The following LILRB3 variants were observed in gnomAD, a reference collection of about 807,000 sequenced individuals.
The protein encoded by LILRB3 is leukocyte immunoglobulin like receptor B3, also known as leukocyte immunoglobulin-like receptor subfamily B member 3.
A neutral mutation model predicts 68.2 loss-of-function variants in LILRB3; 32 were observed. The observed-to-expected ratio is 0.47, with a 90% CI of 0.35 to 0.63. The LOEUF (loss-of-function observed/expected upper bound fraction) is 0.63. LILRB3 is among the 30% of genes least tolerant of loss of function. LILRB3 has a pLI of 0.00. For missense variants in LILRB3, 502 were observed against 791.3 expected (o/e 0.63, Z 4.39); for synonymous variants, 185 against 323.1 (o/e 0.57, Z 4.58).
rs930785183 is a variant in LILRB3, at chr19:54,219,957, TG to T, written c.1309+197del. On this transcript the variant is annotated intron_variant, in intron 7 of 12. Transcript: ENST00000445347. ...AGGGAGGTGAAGGCTGGGGCTGTCT[TG>T]CCCCCCACATCAGCCCGGCTCCTCC... 4 of 1,328,796 alleles carry T rather than the reference TG, an allele frequency of 3.0e-6. 1 individual carries two copies. The African/African-American group carries it at 5.8e-5, about 19-fold the overall frequency. The allele number at this position is 1,328,796 out of a possible 1,614,324, so 82.3% of individuals were successfully genotyped here.
At chr19:54,218,492 G>T (rs2077715903) in intron 10 of LILRB3, 79 bp from the exon 11 acceptor site, 1 of 1,606,126 alleles carries the variant, frequency 6.2e-7, no homozygotes, top group Admixed American at 1.7e-5. Context: ...CCTGCTCCCA[G>T]ATGGGGCCAC....
chr19:54,218,457 C>G, intron 10 of LILRB3, 44 bp from the exon 11 acceptor site: 3 of 1,612,286 alleles, frequency 1.9e-6, no homozygotes, highest in Non-Finnish European at 2.5e-6. Flanking sequence ...TTCTCTGAGA[C>G]CTCTCAGTCC....
At chr19:54,220,405 G>C in intron 6 of LILRB3, 123 bp downstream of exon 6, 1 of 1,115,690 alleles carries the variant, frequency 9.0e-7, no homozygotes, top group Non-Finnish European at 1.2e-6. Context: ...TCTGAGGGCT[G>C]GGTGCCCTCT....
At chr19:54,219,400 A>C in intron 7 of LILRB3, 155 bp from the exon 8 acceptor site, 1 of 1,469,414 alleles carries the variant, frequency 6.8e-7, no homozygotes, top group South Asian at 1.2e-5. Context: ...TCACAGATGC[A>C]CAAACTGAGG....
chr19:54,218,811 G>T, exon 9 of LILRB3: 1 of 1,614,154 alleles, frequency 6.2e-7, no homozygotes, highest in Non-Finnish European at 8.5e-7. Context: ...AGCCCCTGCA[G>T]GACGCTGGAA....
exon 13 of LILRB3, chr19:54,216,873 CTCAT>C (rs2077513587): frequency 7.0e-7 from 1 of 1,427,524 alleles, no homozygotes. Context: ...TTGTTATTAA[CTCAT>C]TGATTGTTGA....
Position 54,223,006 on chromosome 19 carries a change from G to C in LILRB3, c.-30C>G, listed in dbSNP as rs765946207. 7 of 1,612,352 alleles carry C rather than the reference G, an allele frequency of 4.3e-6. No individual in the cohort carries two copies. In the Middle Eastern group the frequency reaches 8.3e-4, roughly 190 times the overall value. On this transcript the variant is annotated 5_prime_UTR_variant, in exon 1 of 13. Coordinates refer to ENST00000445347, the Ensembl canonical transcript of LILRB3. ...TCTCCTCCCGGTGACCCCGCGCTCTGCAGAGGGATGAGCCCTCAGTGCTGG... is the reference window on the plus strand; with the variant it reads ...TCTCCTCCCGGTGACCCCGCGCTCTCCAGAGGGATGAGCCCTCAGTGCTGG...
chr19:54,221,708 C>G lies in LILRB3; in HGVS notation c.658+120G>C. The G allele has an allele frequency of 1.9e-6, 3 of 1,581,020 alleles. 1 individual carries two copies. In the East Asian group the frequency reaches 6.9e-5, roughly 36 times the overall value. ...GCCTCCCCATGGGGTCTCCCTCATG[C>G]CTTCAGCCCGTCCTTCAACACATCA... On this transcript the variant is annotated intron_variant, in intron 4 of 12. Transcript: ENST00000445347.
chr19:54,219,162 G>T lies in LILRB3; in HGVS notation c.1393C>A (p.Leu465Ile), dbSNP rs1435566039. The change falls in exon 8 of 13, where the codon CTC becomes ATC. Residue 465 changes from leucine (L) to isoleucine (I), a missense_variant. Leu to Ile is a conservative substitution (Grantham distance 5). Transcript: ENST00000445347. ...CTGTGTTTGCTGTGACGCTGACGGAGGAGGAGGAGGAAGAGGAGGAGGAAG... is the reference window on the plus strand; with the variant it reads ...CTGTGTTTGCTGTGACGCTGACGGATGAGGAGGAGGAAGAGGAGGAGGAAG... 1.9e-6 allele frequency: 3 copies of T among 1,599,098 alleles called. No homozygotes were observed. The South Asian group carries it at 3.3e-5, about 18-fold the overall frequency.
In LILRB3 at chr19:54,219,447, G is replaced by C. The variant is rs568689393; in HGVS notation, c.1310-202C>G. ...GAGTCGCCTGCCCCAGGCCTCCAGC[G>C]AGGAAGCGGCAGAGCTGGGAAGGGA... is the stretch of plus-strand genomic sequence containing the variant. On this transcript the variant is annotated intron_variant, in intron 7 of 12. Coordinates refer to ENST00000445347, the Ensembl canonical transcript of LILRB3. 27 of 1,529,640 alleles carry C rather than the reference G, an allele frequency of 1.8e-5. No individual in the cohort carries two copies. In the African/African-American group the frequency reaches 3.0e-4, roughly 17 times the overall value. 94.8% of individuals were successfully genotyped at this position (1,529,640 alleles called of 1,614,324 possible).
At position 54,219,625 on chromosome 19, in the gene LILRB3, G is replaced by A. The variant is rs1211393744; in HGVS notation, c.1310-380C>T. On this transcript the variant is annotated intron_variant, in intron 7 of 12. Coordinates refer to ENST00000445347, the Ensembl canonical transcript of LILRB3. The stretch of plus-strand genomic sequence containing the variant: ...TGCAGGTGGGACGGGACAGGCCCCT[G>A]TGGAATCGGGTCTGGGAGGTTCCCT... The A allele has an allele frequency of 4.6e-6, 7 of 1,515,088 alleles. No homozygotes were observed. In the Admixed American group the frequency reaches 6.3e-5, roughly 14 times the overall value. The allele number at this position is 1,515,088 out of a possible 1,614,324, so 93.9% of individuals were successfully genotyped here.
intron 7 of LILRB3, chr19:54,219,775 C>T (rs959151481): frequency 3.6e-5 from 54 of 1,498,018 alleles, no homozygotes; most frequent in Non-Finnish European, 4.8e-5. Context: ...GGCCTGTCCA[C>T]ATCACCACCT....
rs758986678 is a variant in LILRB3, at chr19:54,217,073, G to C, written c.*20C>G. ...CCTGAGTCTCCTTCTGCTGAGTGTG[G>C]GGTCTGCGTACCCCCCGGGCTAGTG... On this transcript the variant is annotated 3_prime_UTR_variant, in exon 13 of 13. Transcript: ENST00000445347. 4 of 1,614,086 alleles carry C rather than the reference G, an allele frequency of 2.5e-6. No individual in the cohort carries two copies. The South Asian group carries it at 3.3e-5, about 13-fold the overall frequency.
At chr19:54,216,826 C>G (rs181622084) in exon 13 of LILRB3, 2 of 1,357,812 alleles carry the variant, frequency 1.5e-6, no homozygotes, top group Non-Finnish European at 1.9e-6. Flanking sequence ...CTGAGTACCA[C>G]ACCCGGCCTT....
chr19:54,219,294 C>T, intron 7 of LILRB3, 49 bp from the exon 8 acceptor site: 2 of 1,516,952 alleles, frequency 1.3e-6, no homozygotes, highest in Non-Finnish European at 1.8e-6. Context: ...GATGTGAGCA[C>T]CTACTGTGTG....
exon 5 of LILRB3, chr19:54,221,157 T>C: frequency 7.9e-7 from 1 of 1,258,212 alleles, no homozygotes; most frequent in South Asian, 1.2e-5. Flanking sequence ...ATAGCACCTG[T>C]ACTGGCCCCC....
At chr19:54,220,935 T>C in intron 5 of LILRB3, 105 bp from the exon 6 acceptor site, 1 of 1,169,862 alleles carries the variant, frequency 8.5e-7, no homozygotes. Context: ...CTGTTTTCTC[T>C]GAGTCTCCCC....
At chr19:54,216,552 C>T (rs958843637) in exon 13 of LILRB3, 25 of 836,628 alleles carry the variant, frequency 3.0e-5, no homozygotes, top group South Asian at 2.1e-4. Flanking sequence ...CCTCATGATC[C>T]GCCCGCATCA....
rs2077766362 is a variant in LILRB3, at chr19:54,218,892, AC to A, written c.1427-55del. ...CTGGGAACATTAGAACTCCCATTCT[AC>A]ACATGCAACTTGAGGGAAAGAAGGA... On this transcript the variant is annotated intron_variant, in intron 8 of 12. Transcript: ENST00000445347. 9.9e-6 allele frequency: 16 copies of A among 1,610,514 alleles called. 1 individual carries two copies. The South Asian group carries it at 1.8e-4, about 18-fold the overall frequency.
Sources: gnomAD v4.1 joint callset for allele counts on GRCh38, gnomAD v4.1.1 for gene constraint, MANE v1.5 for transcripts, NCBI Gene and HGNC (gene_info 2026-07-23, HGNC 2026-07-21) for gene names.